Variants in CWC27 observed in about 807,000 individuals in gnomAD.
The protein encoded by CWC27 is CWC27 spliceosome associated cyclophilin.
A neutral mutation model predicts 63.6 loss-of-function variants in CWC27; 47 were observed. The ratio of observed to expected loss-of-function variants is 0.74; its 90% CI spans 0.58 to 0.94. CWC27 has a LOEUF of 0.94. Among genes scored for constraint, CWC27 ranks in the 40% least tolerant of loss-of-function variants. The pLI, the probability that CWC27 is intolerant of heterozygous loss-of-function variation, is 0.00. For missense variants in CWC27, 495 were observed against 554.3 expected (o/e 0.89, Z 1.07); for synonymous variants, 175 against 179.8 (o/e 0.97, Z 0.22).
At chr5:64,832,900 A>G (rs1340249757) in intron 10 of CWC27, among the ~76,000 whole-genome samples, 1 of 151,800 alleles carries the variant, frequency 6.6e-6, no homozygotes, top group Non-Finnish European at 1.5e-5. Context: ...TCCACAAACC[A>G]TACTTATGAA....
At chr5:65,005,682 TA>T (rs1749829353) in intron 13 of CWC27, among the ~76,000 whole-genome samples, 1 of 152,174 alleles carries the variant, frequency 6.6e-6, no homozygotes, top group South Asian at 2.1e-4. Flanking sequence ...GTGGGTGAAG[TA>T]AACCTCTCTA....
chr5:64,858,998 C>CT (rs1375190400), intron 10 of CWC27, among the ~76,000 whole-genome samples: 1 of 152,142 alleles, frequency 6.6e-6, no homozygotes, highest in Non-Finnish European at 1.5e-5. Flanking sequence ...CCCAAATTTA[C>CT]TTTAATAGGA....
intron 13 of CWC27, among the ~76,000 whole-genome samples, chr5:64,997,558 C>G (rs1204109211): frequency 6.6e-6 from 1 of 151,880 alleles, no homozygotes; most frequent in Non-Finnish European, 1.5e-5. Flanking sequence ...GTTTTATGAC[C>G]TTTTCTTAAA....
intron 7 of CWC27, among the ~76,000 whole-genome samples, chr5:64,789,990 G>A (rs987917638): frequency 1.3e-5 from 2 of 151,922 alleles, no homozygotes; most frequent in African/African-American, 4.8e-5. Flanking sequence ...TCCCTTATTA[G>A]TGAGCACGGT....
At chr5:64,811,708 G>T (rs537191568) in intron 10 of CWC27, among the ~76,000 whole-genome samples, 1 of 151,978 alleles carries the variant, frequency 6.6e-6, no homozygotes, top group Non-Finnish European at 1.5e-5. Flanking sequence ...AAGTTAACTG[G>T]AATTTGTGTT....
At chr5:64,963,216 C>A (rs1381163905) in intron 11 of CWC27, among the ~76,000 whole-genome samples, 1 of 152,116 alleles carries the variant, frequency 6.6e-6, no homozygotes, top group Non-Finnish European at 1.5e-5. Context: ...CCCGCCTCCG[C>A]CTCCCAAAGT....
chr5:64,797,177 C>A (rs1265181277), intron 7 of CWC27, among the ~76,000 whole-genome samples: 1 of 151,978 alleles, frequency 6.6e-6, no homozygotes, highest in Non-Finnish European at 1.5e-5. Context: ...ATCAGCTAAA[C>A]CTTTTAATTA....
At chr5:64,901,878 A>G (rs934098726) in intron 11 of CWC27, among the ~76,000 whole-genome samples, 1 of 152,184 alleles carries the variant, frequency 6.6e-6, no homozygotes, top group African/African-American at 2.4e-5. Flanking sequence ...TTTTACTTAA[A>G]AAGAAGACAA....
At chr5:65,010,303 G>A (rs1290001207) in intron 13 of CWC27, among the ~76,000 whole-genome samples, 1 of 152,114 alleles carries the variant, frequency 6.6e-6, no homozygotes, top group Non-Finnish European at 1.5e-5. Context: ...ATACAGAGCA[G>A]GTCCTTTCAA....
chr5:64,804,491 T>C, intron 10 of CWC27, 105 bp downstream of exon 10: 1 of 1,166,864 alleles, frequency 8.6e-7, no homozygotes. Flanking sequence ...ACTATTTTCA[T>C]AATGTTTGAT....
chr5:64,932,897 C>A (rs1247361390), intron 11 of CWC27, among the ~76,000 whole-genome samples: 1 of 152,156 alleles, frequency 6.6e-6, no homozygotes, highest in African/African-American at 2.4e-5. Flanking sequence ...AGAAGTGATT[C>A]ATCTATACAC....
chr5:65,017,048 A>G (rs1011453741), intron 13 of CWC27, among the ~76,000 whole-genome samples: 4 of 152,242 alleles, frequency 2.6e-5, no homozygotes, highest in Admixed American at 1.3e-4. Context: ...TTCGCCGGGC[A>G]CGGTGGCTCA....
chr5:65,016,760 G>A (rs1233501519), intron 13 of CWC27, among the ~76,000 whole-genome samples: 1 of 152,082 alleles, frequency 6.6e-6, no homozygotes, highest in Non-Finnish European at 1.5e-5. Flanking sequence ...ATACCCATGT[G>A]AGTTTGCCAC....
chr5:64,951,924 T>G (rs536131446), intron 11 of CWC27, among the ~76,000 whole-genome samples: 1 of 152,062 alleles, frequency 6.6e-6, no homozygotes, highest in South Asian at 2.1e-4. Context: ...TAAAATGTAT[T>G]TATGACTCAT....
At chr5:64,969,539 T>C (rs1749079953) in intron 11 of CWC27, among the ~76,000 whole-genome samples, 1 of 152,092 alleles carries the variant, frequency 6.6e-6, no homozygotes, top group Non-Finnish European at 1.5e-5. Context: ...ATTTTCCCCT[T>C]CTTCAATTAC....
chr5:64,900,310 A>G (rs1339067376), intron 11 of CWC27, among the ~76,000 whole-genome samples: 2 of 152,184 alleles, frequency 1.3e-5, no homozygotes, highest in African/African-American at 4.8e-5. Context: ...TTAATTAATA[A>G]TGATGTTGAG....
intron 10 of CWC27, among the ~76,000 whole-genome samples, chr5:64,868,314 T>A (rs1421487344): frequency 1.5e-5 from 2 of 135,304 alleles, no homozygotes; most frequent in African/African-American, 5.9e-5. Flanking sequence ...TGAATTTACC[T>A]GAAAGCAAAA....
chr5:64,856,446 A>T (rs1437361117), intron 10 of CWC27, among the ~76,000 whole-genome samples: 1 of 144,508 alleles, frequency 6.9e-6, no homozygotes, highest in Non-Finnish European at 1.5e-5. Flanking sequence ...GTCTTTAAGA[A>T]ACTTAGTGTA....
chr5:64,964,974 T>A (rs530150397), intron 11 of CWC27, among the ~76,000 whole-genome samples: 94 of 152,230 alleles, frequency 6.2e-4, no homozygotes, highest in African/African-American at 2.0e-3. Context: ...AACTCAAAGA[T>A]AGTTGCAGAT....
Sources: gnomAD v4.1 joint callset for allele counts (sites outside exome capture counted in the v4.1 genomes callset) on GRCh38, gnomAD v4.1.1 for gene constraint, MANE v1.5 for transcripts, NCBI Gene and HGNC (gene_info 2026-07-23, HGNC 2026-07-21) for gene names.